The following FGGY variants were observed in gnomAD, a reference collection of about 807,000 sequenced individuals.
FGGY encodes the protein FGGY carbohydrate kinase domain containing.
In FGGY, 72 loss-of-function variants were observed where a neutral mutation model predicts 71.3. The observed-to-expected ratio is 1.01, with a 90% CI of 0.84 to 1.23. The LOEUF is 1.23. Among genes scored for constraint, FGGY ranks in the 50% most tolerant of loss-of-function variants. The probability of loss-of-function intolerance (pLI) is 0.00; values close to 1 mark genes in which losing one functional copy is unlikely to be tolerated. For missense variants in FGGY, 668 were observed against 682.3 expected (o/e 0.98, Z 0.23); for synonymous variants, 251 against 250.3 (o/e 1.00, Z -0.02).
chr1:59,445,067 A>G (rs980843355), intron 5 of FGGY, among the ~76,000 whole-genome samples: 1 of 152,182 alleles, frequency 6.6e-6, no homozygotes. Flanking sequence ...CTAGACTCTA[A>G]GCTCCACGAA....
At chr1:59,684,372 A>C (rs1242981543) in intron 14 of FGGY, among the ~76,000 whole-genome samples, 1 of 152,102 alleles carries the variant, frequency 6.6e-6, no homozygotes, top group Non-Finnish European at 1.5e-5. Context: ...GCATTTGAGG[A>C]GTGACTTCCA....
chr1:59,393,687 C>G (rs1224018047), intron 5 of FGGY, among the ~76,000 whole-genome samples: 3 of 151,890 alleles, frequency 2.0e-5, no homozygotes, highest in African/African-American at 7.3e-5. Context: ...ATGTAGTTTT[C>G]TATTTCAGGA....
chr1:59,657,132 A>T (rs1172997393), intron 11 of FGGY, among the ~76,000 whole-genome samples: 2 of 152,234 alleles, frequency 1.3e-5, no homozygotes, highest in Admixed American at 1.3e-4. Flanking sequence ...ATTGAGAAGG[A>T]TATCAGAACC....
chr1:59,451,738 T>A (rs942545742), intron 5 of FGGY, among the ~76,000 whole-genome samples: 2 of 151,838 alleles, frequency 1.3e-5, no homozygotes, highest in African/African-American at 4.8e-5. Flanking sequence ...GTTGAAAATG[T>A]TTTTTTTGCC....
intron 8 of FGGY, among the ~76,000 whole-genome samples, chr1:59,577,971 C>T (rs1447803040): frequency 6.6e-6 from 1 of 152,094 alleles, no homozygotes; most frequent in Non-Finnish European, 1.5e-5. Flanking sequence ...TTGGAGGTTT[C>T]GAACAGGCCC....
At chr1:59,691,314 C>T (rs932259251) in intron 14 of FGGY, among the ~76,000 whole-genome samples, 3 of 152,184 alleles carry the variant, frequency 2.0e-5, no homozygotes, top group Non-Finnish European at 4.4e-5. Context: ...TTGGAGGGCC[C>T]TCACCATGGG....
At position 59,436,102 on chromosome 1, in the gene FGGY, T is replaced by C. The variant is rs191602861; in HGVS notation, c.555-20859T>C. Among the ~76,000 whole-genome samples, 3 of 152,274 alleles carry C rather than the reference T, an allele frequency of 2.0e-5. No individual in the cohort carries two copies. The East Asian group carries it at 5.8e-4, about 29-fold the overall frequency. On this transcript the variant is annotated intron_variant, in intron 5 of 15. Transcript: ENST00000303721. ...CGCTCAGGTTGGACTCCCTGGTGTT[T>C]ACCATGGACAATGAATCTTGATGTC...
chr1:59,680,714 A>G (rs1197431867), intron 14 of FGGY: 1 of 152,120 alleles, frequency 6.6e-6, no homozygotes, highest in African/African-American at 2.4e-5. Context: ...CTTTCCATCC[A>G]TTGTCATTTC....
chr1:59,543,987 C>G (rs972448393), intron 7 of FGGY, among the ~76,000 whole-genome samples: 1 of 152,226 alleles, frequency 6.6e-6, no homozygotes, highest in Non-Finnish European at 1.5e-5. Context: ...ATCCCAAGTA[C>G]AAGGCTCTTG....
chr1:59,418,988 C>T (rs2064965015), intron 5 of FGGY, among the ~76,000 whole-genome samples: 1 of 152,058 alleles, frequency 6.6e-6, no homozygotes, highest in Non-Finnish European at 1.5e-5. Context: ...GCCTGGCATA[C>T]TGAAATAAAG....
chr1:59,440,152 A>T (rs1024592588), intron 5 of FGGY, among the ~76,000 whole-genome samples: 2 of 151,076 alleles, frequency 1.3e-5, no homozygotes, highest in Non-Finnish European at 2.9e-5. Context: ...AATTTAGGCC[A>T]TTTTTTCCCC....
chr1:59,473,235 A>G (rs2093070819), intron 6 of FGGY, among the ~76,000 whole-genome samples: 1 of 152,104 alleles, frequency 6.6e-6, no homozygotes, highest in African/African-American at 2.4e-5. Flanking sequence ...CAGCGAGACC[A>G]CGAACCCACC....
chr1:59,328,399 C>T (rs1443320551), intron 2 of FGGY, among the ~76,000 whole-genome samples: 1 of 152,190 alleles, frequency 6.6e-6, no homozygotes, highest in African/African-American at 2.4e-5. Flanking sequence ...CATTCTGTAG[C>T]TTCCTCACCT....
chr1:59,761,726 A>G (rs2098342239), intron 15 of FGGY, among the ~76,000 whole-genome samples: 2 of 152,198 alleles, frequency 1.3e-5, no homozygotes, highest in Non-Finnish European at 2.9e-5. Flanking sequence ...AGATGTCTGG[A>G]AGGCGAGCAC....
At chr1:59,302,217 A>T (rs1056980289) in intron 1 of FGGY, among the ~76,000 whole-genome samples, 1 of 151,836 alleles carries the variant, frequency 6.6e-6, no homozygotes, top group African/African-American at 2.4e-5. Context: ...CATCCTTATG[A>T]TGGATATTGA....
chr1:59,671,724 ATTC>A (rs2097379529), intron 13 of FGGY, among the ~76,000 whole-genome samples: 1 of 152,204 alleles, frequency 6.6e-6, no homozygotes, highest in Non-Finnish European at 1.5e-5. Flanking sequence ...AGCAGTTTTA[ATTC>A]TCACAGCAAC....
intron 14 of FGGY, among the ~76,000 whole-genome samples, chr1:59,739,407 C>T (rs931594805): frequency 2.0e-5 from 3 of 152,096 alleles, no homozygotes; most frequent in Admixed American, 6.6e-5. Context: ...TATGTAAAAA[C>T]GTTCATTCAA....
At chr1:59,360,315 C>G (rs1338575152) in intron 4 of FGGY, among the ~76,000 whole-genome samples, 1 of 152,034 alleles carries the variant, frequency 6.6e-6, no homozygotes, top group Non-Finnish European at 1.5e-5. Flanking sequence ...TAGAGTGAAG[C>G]CTACTGCAGT....
intron 5 of FGGY, among the ~76,000 whole-genome samples, chr1:59,411,780 G>A (rs1164037908): frequency 6.6e-6 from 1 of 151,946 alleles, no homozygotes; most frequent in African/African-American, 2.4e-5. Flanking sequence ...TAACCAATGG[G>A]GATCCCTTCA....
Sources: allele counts gnomAD v4.1 joint callset (sites outside exome capture counted in the v4.1 genomes callset), GRCh38; gene constraint gnomAD v4.1.1; transcripts MANE v1.5; gene names NCBI Gene and HGNC (gene_info 2026-07-23, HGNC 2026-07-21).